Variants in NEGR1 observed in about 807,000 individuals in gnomAD.
The protein encoded by NEGR1 is IgLON family member 4.
In NEGR1, 10 loss-of-function variants were observed where a neutral mutation model predicts 40.9. The observed-to-expected ratio is 0.24, with a 90% CI of 0.15 to 0.42. The LOEUF (loss-of-function observed/expected upper bound fraction) is 0.42, where lower values mean the gene tolerates loss of function less well. Ranked by LOEUF, NEGR1 falls within the 10% of genes least tolerant of loss-of-function variation. The pLI is 1.00. For missense variants in NEGR1, 352 were observed against 438.9 expected (o/e 0.80, Z 1.77); for synonymous variants, 185 against 166.8 (o/e 1.11, Z -0.84).
At chr1:71,542,975 C>T (rs893135742) in intron 6 of NEGR1, among the ~76,000 whole-genome samples, 1 of 151,620 alleles carries the variant, frequency 6.6e-6, no homozygotes, top group African/African-American at 2.4e-5. Flanking sequence ...TACATACATA[C>T]ACATACATAT....
At chr1:71,575,198 G>C (rs966522070) in intron 6 of NEGR1, among the ~76,000 whole-genome samples, 1 of 152,162 alleles carries the variant, frequency 6.6e-6, no homozygotes, top group Non-Finnish European at 1.5e-5. Context: ...AATTGATTAA[G>C]AGCCTGGTAA....
chr1:72,046,755 T>C (rs1325468108), intron 1 of NEGR1, among the ~76,000 whole-genome samples: 1 of 151,620 alleles, frequency 6.6e-6, no homozygotes, highest in African/African-American at 2.4e-5. Flanking sequence ...TAAAAATAGC[T>C]CAAATATGCA....
At chr1:71,724,292 T>TA (rs750992406) in intron 3 of NEGR1, among the ~76,000 whole-genome samples, 2 of 152,168 alleles carry the variant, frequency 1.3e-5, no homozygotes, top group Non-Finnish European at 2.9e-5. Flanking sequence ...TCGTAGTTTT[T>TA]ATCTTAGGAA....
intron 2 of NEGR1, among the ~76,000 whole-genome samples, chr1:71,906,271 G>A (rs1661271968): frequency 6.6e-6 from 1 of 151,964 alleles, no homozygotes; most frequent in East Asian, 1.9e-4. Flanking sequence ...ACAAAAGATT[G>A]CACATTGGGT....
intron 1 of NEGR1, among the ~76,000 whole-genome samples, chr1:72,139,955 G>T (rs1650609536): frequency 1.3e-5 from 2 of 151,970 alleles, no homozygotes; most frequent in Non-Finnish European, 2.9e-5. Flanking sequence ...TGGTATTTGG[G>T]ATCCAGCCAT....
intron 1 of NEGR1, among the ~76,000 whole-genome samples, chr1:72,129,476 C>T (rs911761359): frequency 1.3e-5 from 2 of 151,982 alleles, no homozygotes; most frequent in South Asian, 4.1e-4. Context: ...TTCTTATATA[C>T]CAGAGCTAGT....
At chr1:72,012,875 ATAT>A (rs1569822503) in intron 1 of NEGR1, among the ~76,000 whole-genome samples, 1 of 103,050 alleles carries the variant, frequency 9.7e-6, no homozygotes, top group Non-Finnish European at 1.8e-5. Flanking sequence ...ACATATATAT[ATAT>A]TTTTTTTTTT....
rs17091841 is a variant in NEGR1, at chr1:71,853,834, G to A, written c.410-77537C>T. ...TTGGACAGGATTACATTTATAAAGC[G>A]GTTCTCACTTTGGTTATTAGCATTG... On this transcript the variant is annotated intron_variant, in intron 2 of 6. Transcript: ENST00000357731. 7.5e-3 allele frequency among the ~76,000 whole-genome samples: 1,135 copies of A among 152,152 alleles called. 11 individuals carry two copies. Among genetic ancestry groups the A allele is most frequent in the African/African-American group, 0.026 (1,079 of 41,522 alleles).
At chr1:71,997,673 T>C (rs747650365) in intron 1 of NEGR1, among the ~76,000 whole-genome samples, 11 of 151,954 alleles carry the variant, frequency 7.2e-5, no homozygotes, top group Non-Finnish European at 1.5e-4. Flanking sequence ...CCAATAAATA[T>C]TTATTGGATG....
intron 1 of NEGR1, among the ~76,000 whole-genome samples, chr1:72,139,604 A>G (rs561755897): frequency 3.9e-5 from 6 of 152,206 alleles, no homozygotes; most frequent in Admixed American, 1.3e-4. Flanking sequence ...CAACCTGAAT[A>G]TCCCTATATC....
chr1:72,210,789 T>C (rs1653575503), intron 1 of NEGR1, among the ~76,000 whole-genome samples: 1 of 151,836 alleles, frequency 6.6e-6, no homozygotes, highest in Non-Finnish European at 1.5e-5. Context: ...TGGTGAAAGA[T>C]GTATTCAAAG....
Position 71,404,154 on chromosome 1 carries a change from A to G in NEGR1, c.*3292T>C, listed in dbSNP as rs1379744639. 2.0e-5 allele frequency: 3 copies of G among 153,082 alleles called. No individual in the cohort carries two copies. Among genetic ancestry groups the G allele is most frequent in the African/African-American group, 8.4e-5 (3 of 35,582 alleles). 9.5% of individuals were successfully genotyped at this position (153,082 alleles called of 1,614,324 possible). The stretch of plus-strand genomic sequence containing the variant: ...TGACTTCAAATGTAGGGGTATTTAT[A>G]TATATATATATTTTTTTTTTTCCCT... On this transcript the variant is annotated 3_prime_UTR_variant, in exon 7 of 7. Coordinates refer to ENST00000357731, the MANE Select transcript of NEGR1 (RefSeq NM_173808.3).
At chr1:72,256,363 T>C (rs1475930819) in intron 1 of NEGR1, among the ~76,000 whole-genome samples, 3 of 152,202 alleles carry the variant, frequency 2.0e-5, no homozygotes, top group African/African-American at 4.8e-5. Flanking sequence ...CTGCCATTTA[T>C]TGAAAATTGT....
intron 4 of NEGR1, among the ~76,000 whole-genome samples, chr1:71,692,895 T>G (rs1653341340): frequency 6.6e-6 from 1 of 151,824 alleles, no homozygotes; most frequent in South Asian, 2.1e-4. Flanking sequence ...ATCAATTCTA[T>G]TTTACTAAAA....
intron 3 of NEGR1, among the ~76,000 whole-genome samples, chr1:71,771,922 A>C (rs1264032977): frequency 1.3e-5 from 2 of 152,110 alleles, no homozygotes; most frequent in African/African-American, 4.8e-5. Flanking sequence ...CTAAGGGCAG[A>C]GTTGACAAAG....
At chr1:71,827,235 A>G (rs1658661300) in intron 2 of NEGR1, among the ~76,000 whole-genome samples, 2 of 151,850 alleles carry the variant, frequency 1.3e-5, no homozygotes. Context: ...AAAAATAAAA[A>G]GTCTTTCCTT....
At chr1:71,552,882 TC>T (rs1261352786) in intron 6 of NEGR1, among the ~76,000 whole-genome samples, 1 of 151,462 alleles carries the variant, frequency 6.6e-6, no homozygotes, top group Non-Finnish European at 1.5e-5. Flanking sequence ...AACTGCCCAA[TC>T]CCTTGACAAT....
At chr1:71,421,537 A>G (rs1358870737) in intron 6 of NEGR1, 1 of 152,124 alleles carries the variant, frequency 6.6e-6, no homozygotes, top group Admixed American at 6.5e-5. Context: ...TTCCTAGCAC[A>G]CTAGTATCTA....
chr1:72,113,472 A>ATG (rs1649459909), intron 1 of NEGR1, among the ~76,000 whole-genome samples: 1 of 151,486 alleles, frequency 6.6e-6, no homozygotes, highest in Non-Finnish European at 1.5e-5. Context: ...AAATATATAT[A>ATG]TTTAGAAATA....
Sources: gnomAD v4.1 joint callset for allele counts (sites outside exome capture counted in the v4.1 genomes callset) on GRCh38, gnomAD v4.1.1 for gene constraint, MANE v1.5 for transcripts, NCBI Gene and HGNC (gene_info 2026-07-23, HGNC 2026-07-21) for gene names.